OGDH: variants seen among roughly 807,000 people sequenced by gnomAD.
OGDH encodes the protein 2-oxoglutarate dehydrogenase complex component E1.
OGDH carries 38 observed loss-of-function variants against 116.6 expected under a neutral mutation model. The ratio of observed to expected loss-of-function variants is 0.33; its 90% CI spans 0.25 to 0.43. The LOEUF (loss-of-function observed/expected upper bound fraction) is 0.43, where lower values mean the gene tolerates loss of function less well. Among genes scored for constraint, OGDH ranks in the 20% least tolerant of loss-of-function variants. The pLI is 1.00. For synonymous variants in OGDH, 488 were observed against 533.3 expected, an observed-to-expected ratio of 0.92 and a Z score of 1.17; for missense variants, 825 against 1,357.2, an observed-to-expected ratio of 0.61 and a Z score of 6.16.
At chr7:44,700,737 G>A (rs910627190) in intron 19 of OGDH, among the ~76,000 whole-genome samples, 1 of 152,212 alleles carries the variant, frequency 6.6e-6, no homozygotes, top group Non-Finnish European at 1.5e-5. Flanking sequence ...AGGAGGCCGG[G>A]CGAGGTGGCT....
chr7:44,607,439 T>C (rs940478588), intron 1 of OGDH, among the ~76,000 whole-genome samples: 2 of 152,152 alleles, frequency 1.3e-5, no homozygotes, highest in African/African-American at 2.4e-5. Context: ...GCCCAGAACA[T>C]AGGACTTCGT....
chr7:44,650,805 G>A (rs1380086376), intron 4 of OGDH, among the ~76,000 whole-genome samples: 1 of 152,200 alleles, frequency 6.6e-6, no homozygotes, highest in African/African-American at 2.4e-5. Flanking sequence ...AGGCTGAATG[G>A]CAACCTGGTG....
chr7:44,652,475 A>C (rs891995678), intron 4 of OGDH, among the ~76,000 whole-genome samples: 3 of 152,212 alleles, frequency 2.0e-5, no homozygotes, highest in Non-Finnish European at 4.4e-5. Context: ...CCAGATGCCC[A>C]TCTTAATTTG....
At chr7:44,678,989 A>G (rs1787814764) in intron 9 of OGDH, among the ~76,000 whole-genome samples, 1 of 152,198 alleles carries the variant, frequency 6.6e-6, no homozygotes, top group Non-Finnish European at 1.5e-5. Context: ...GCATTTCCTC[A>G]GTGCAGCAAT....
intron 10 of OGDH, among the ~76,000 whole-genome samples, chr7:44,688,061 T>C (rs1788207829): frequency 1.3e-5 from 2 of 152,160 alleles, no homozygotes; most frequent in African/African-American, 4.8e-5. Context: ...GTTTCTACTT[T>C]TGGGCTATTA....
In OGDH at chr7:44,700,163, A is replaced by C. The variant is rs750340374; in HGVS notation, c.2453A>C (p.Asp818Ala). 6.2e-7 allele frequency: 1 copy of C among 1,614,214 alleles called. No individual in the cohort carries two copies. Among genetic ancestry groups the C allele is most frequent in the East Asian group, 2.2e-5 (1 of 44,892 alleles). The change falls in exon 19 of 23, where the codon GAC becomes GCC. Residue 818 changes from aspartate to alanine, a missense_variant. Transcript: ENST00000222673. ...VLPDLKEANF[D>A]INQLYDCNWV... ...CAGGACCTTAAAGAAGCCAACTTCGACATCAATCAGCTATATGACTGCAAT... is the reference window on the plus strand; with the variant it reads ...CAGGACCTTAAAGAAGCCAACTTCGCCATCAATCAGCTATATGACTGCAAT...
intron 10 of OGDH, 115 bp from the exon 11 acceptor site, chr7:44,693,710 C>A (rs1429827949): frequency 2.6e-6 from 2 of 777,026 alleles, no homozygotes; most frequent in Non-Finnish European, 3.9e-6. Flanking sequence ...TTTTGGGGTA[C>A]GTACTCAGAG....
chr7:44,632,058 G>C (rs1196690679), intron 2 of OGDH, among the ~76,000 whole-genome samples: 1 of 152,142 alleles, frequency 6.6e-6, no homozygotes, highest in African/African-American at 2.4e-5. Flanking sequence ...CAAAAATTTG[G>C]ATTATGAAGT....
At chr7:44,622,512 C>T (rs1205973489) in intron 1 of OGDH, among the ~76,000 whole-genome samples, 1 of 152,148 alleles carries the variant, frequency 6.6e-6, no homozygotes, top group East Asian at 1.9e-4. Context: ...TGACCTATCT[C>T]TTCTCAGTGG....
intron 2 of OGDH, among the ~76,000 whole-genome samples, chr7:44,642,050 G>C (rs2115735395): frequency 6.6e-6 from 1 of 152,342 alleles, no homozygotes. Flanking sequence ...ATTTAATGGA[G>C]GAAGGTGAGA....
intron 1 of OGDH, among the ~76,000 whole-genome samples, chr7:44,613,412 G>A (rs1784642606): frequency 6.6e-6 from 1 of 152,180 alleles, no homozygotes; most frequent in South Asian, 2.1e-4. Context: ...CCAGGCTGGA[G>A]TGCAGTGATG....
chr7:44,635,893 T>A (rs1785647269), intron 2 of OGDH, among the ~76,000 whole-genome samples: 1 of 151,974 alleles, frequency 6.6e-6, no homozygotes, highest in South Asian at 2.1e-4. Flanking sequence ...TTAGTAGAGA[T>A]GGGGTTTCAC....
At chr7:44,626,438 C>G (rs1462723800) in intron 2 of OGDH, among the ~76,000 whole-genome samples, 1 of 152,068 alleles carries the variant, frequency 6.6e-6, no homozygotes, top group South Asian at 2.1e-4. Context: ...GTGCCCAGGC[C>G]TATTCTTTTG....
Position 44,681,778 on chromosome 7 carries a change from A to T in OGDH, c.1265A>T (p.Glu422Val). 1.2e-6 allele frequency: 2 copies of T among 1,614,044 alleles called. No homozygotes were observed. Among genetic ancestry groups the T allele is most frequent in the Non-Finnish European group, 1.7e-6 (2 of 1,180,008 alleles). Residue 422 changes from glutamate (E) to valine (V), a missense_variant, in exon 10 of 23, where the codon GAG becomes GTG. Coordinates refer to ENST00000222673, the MANE Select transcript of OGDH (RefSeq NM_002541.4). ...AAFAGQGIVY[E>V]TFHLSDLPSY... ...TTTGCTGGCCAGGGCATTGTGTACGAGACCTTCCACCTCAGCGACCTGCCA... is the reference window on the plus strand; with the variant it reads ...TTTGCTGGCCAGGGCATTGTGTACGTGACCTTCCACCTCAGCGACCTGCCA...
At chr7:44,671,852 G>A (rs1487057046) in intron 5 of OGDH, among the ~76,000 whole-genome samples, 1 of 151,290 alleles carries the variant, frequency 6.6e-6, no homozygotes, top group African/African-American at 2.4e-5. Context: ...GGCGGATCAC[G>A]AGGTCAGGAG....
chr7:44,688,585 C>T lies in OGDH; in HGVS notation c.1336-5240C>T, dbSNP rs913128840. ...AGCTGGGACTACAGGCACCCACCAC[C>T]ATGCCCAGCTAATTTTTTGTATTTT... On this transcript the variant is annotated intron_variant, in intron 10 of 22. Coordinates refer to ENST00000222673, the MANE Select transcript of OGDH (RefSeq NM_002541.4). Among the ~76,000 whole-genome samples, 6 of 151,650 alleles carry T rather than the reference C, an allele frequency of 4.0e-5. No homozygotes were observed. The East Asian group carries it at 1.2e-3, about 30-fold the overall frequency.
chr7:44,649,062 G>C (rs1053958633), intron 4 of OGDH, among the ~76,000 whole-genome samples: 1 of 151,858 alleles, frequency 6.6e-6, no homozygotes, highest in African/African-American at 2.4e-5. Context: ...CCAGCCCCCA[G>C]AGACTTCTAG....
At position 44,708,133 on chromosome 7, in the gene OGDH, T is replaced by C; in HGVS notation, c.*134T>C. 8.0e-7 allele frequency: 1 copy of C among 1,256,118 alleles called. No homozygotes were observed. Among genetic ancestry groups the C allele is most frequent in the Non-Finnish European group, 1.1e-6 (1 of 911,104 alleles). The allele number at this position is 1,256,118 out of a possible 1,614,324, so 77.8% of individuals were successfully genotyped here. ...GCTGTGCCACCACCCCTCCCTCTGC[T>C]CTCATAGGAGTTAGGCTGTCGTCCC... On this transcript the variant is annotated 3_prime_UTR_variant, in exon 23 of 23. Coordinates refer to ENST00000222673, the MANE Select transcript of OGDH (RefSeq NM_002541.4).
intron 1 of OGDH, among the ~76,000 whole-genome samples, chr7:44,608,875 A>G (rs1304097707): frequency 1.3e-5 from 2 of 152,234 alleles, no homozygotes; most frequent in Non-Finnish European, 2.9e-5. Context: ...CAGTCATAAT[A>G]AATAGTACAG....
Sources: allele counts gnomAD v4.1 joint callset (sites outside exome capture counted in the v4.1 genomes callset), GRCh38; gene constraint gnomAD v4.1.1; transcripts MANE v1.5; gene names NCBI Gene and HGNC (gene_info 2026-07-23, HGNC 2026-07-21).